The following NETO2 variants were observed in gnomAD, a reference collection of about 807,000 sequenced individuals.
NETO2 encodes the protein neuropilin and tolloid-like protein 2.
In NETO2, 28 loss-of-function variants were observed where a neutral mutation model predicts 62.5. That is an observed-to-expected ratio of 0.45 (90% CI 0.33 to 0.61). NETO2 has a LOEUF of 0.61. Ranked by LOEUF, NETO2 falls within the 20% of genes least tolerant of loss-of-function variation. NETO2 has a pLI of 0.02. For synonymous variants in NETO2, 214 were observed against 219.1 expected, an observed-to-expected ratio of 0.98 and a Z score of 0.21; for missense variants, 548 against 643.2, an observed-to-expected ratio of 0.85 and a Z score of 1.60.
At chr16:47,104,284 A>T (rs1382370542) in intron 7 of NETO2, among the ~76,000 whole-genome samples, 1 of 152,274 alleles carries the variant, frequency 6.6e-6, no homozygotes, top group Non-Finnish European at 1.5e-5. Context: ...CCAGTATAAT[A>T]GCATTAAAAA....
chr16:47,141,520 T>C (rs1024180231), intron 1 of NETO2, among the ~76,000 whole-genome samples: 2 of 152,012 alleles, frequency 1.3e-5, no homozygotes, highest in Non-Finnish European at 1.5e-5. Flanking sequence ...GAAACCAGTC[T>C]TCCCTTCATT....
At position 47,138,664 on chromosome 16, in the gene NETO2, C is replaced by T. The variant is rs552480198; in HGVS notation, c.34+4915G>A. ...TCTAGACAACTGGAAGTTTCTGCCA[C>T]AGTCCCTATAGTGTATTATGTACAC... On this transcript the variant is annotated intron_variant, in intron 1 of 8. Coordinates refer to ENST00000562435, the MANE Select transcript of NETO2 (RefSeq NM_018092.5). Among the ~76,000 whole-genome samples, 12 of 152,338 alleles carry T rather than the reference C, an allele frequency of 7.9e-5. No homozygotes were observed. The East Asian group carries it at 2.3e-3, about 29-fold the overall frequency.
intron 4 of NETO2, among the ~76,000 whole-genome samples, chr16:47,126,417 G>C (rs1164580186): frequency 6.6e-6 from 1 of 152,160 alleles, no homozygotes; most frequent in Non-Finnish European, 1.5e-5. Context: ...TGACATTCTG[G>C]AAATAGCAAG....
chr16:47,080,049 A>G lies in NETO2; in HGVS notation c.*3172T>C, dbSNP rs1005245158. 1 of 152,230 alleles carries G rather than the reference A, an allele frequency of 6.6e-6. No homozygotes were observed. The highest frequency in any genetic ancestry group is 2.4e-5 in the African/African-American group (1 of 41,458). The allele number at this position is 152,230 out of a possible 1,614,324, so 9.4% of individuals were successfully genotyped here. A position where few individuals can be genotyped will look rare whatever the true frequency, so the allele number is the denominator to read the frequency against. On this transcript the variant is annotated 3_prime_UTR_variant, in exon 9 of 9. Transcript: ENST00000562435. ...TATGAAACATGACAAAGACACTGAC[A>G]TAAGCGCTGTCGGGTTAAAGGAGTC... is the stretch of plus-strand genomic sequence containing the variant.
At chr16:47,098,197 G>C (rs549578117) in intron 7 of NETO2, among the ~76,000 whole-genome samples, 16 of 152,158 alleles carry the variant, frequency 1.1e-4, no homozygotes, top group Non-Finnish European at 2.2e-4. Context: ...GACAGAAGTA[G>C]GCTTCAGAAT....
chr16:47,141,144 C>T (rs1964454616), intron 1 of NETO2, among the ~76,000 whole-genome samples: 1 of 152,190 alleles, frequency 6.6e-6, no homozygotes, highest in Non-Finnish European at 1.5e-5. Flanking sequence ...TCAGTGGCAT[C>T]TTAAAGAACT....
At chr16:47,115,856 C>T (rs963071204) in intron 6 of NETO2, among the ~76,000 whole-genome samples, 1 of 150,912 alleles carries the variant, frequency 6.6e-6, no homozygotes, top group Non-Finnish European at 1.5e-5. Flanking sequence ...CAGGCGGGAG[C>T]CACAGTGCCT....
Position 47,129,269 on chromosome 16 carries a change from G to A in NETO2, c.187C>T (p.Pro63Ser). Residue 63 changes from proline (P) to serine (S), a missense_variant, in exon 3 of 9, where the codon CCT (proline) becomes TCT (serine). Physicochemically the swap from Pro to Ser is moderately conservative, Grantham distance 74. Coordinates refer to ENST00000562435, the MANE Select transcript of NETO2 (RefSeq NM_018092.5). The part of the protein sequence containing the change: ...NGGHFASPNY[P>S]DSYPPNKECI... ...TCCTTGTTTGGTGGATATGAGTCAGGATAATTTGGCGAAGCAAAATGACCT... is the reference window on the plus strand; with the variant it reads ...TCCTTGTTTGGTGGATATGAGTCAGAATAATTTGGCGAAGCAAAATGACCT... The A allele has an allele frequency of 6.2e-7, 1 of 1,614,010 alleles. No homozygotes were observed. The highest frequency in any genetic ancestry group is 8.5e-7 in the Non-Finnish European group (1 of 1,179,942).
At chr16:47,089,311 C>A (rs1396981783) in intron 7 of NETO2, among the ~76,000 whole-genome samples, 2 of 152,110 alleles carry the variant, frequency 1.3e-5, no homozygotes, top group Non-Finnish European at 2.9e-5. Flanking sequence ...CAGAAAAAAA[C>A]AATGGGCTAG....
At chr16:47,118,625 G>T (rs1963970909) in intron 6 of NETO2, among the ~76,000 whole-genome samples, 1 of 152,056 alleles carries the variant, frequency 6.6e-6, no homozygotes, top group South Asian at 2.1e-4. Context: ...ATTCTCTTAT[G>T]ATAGTCTAAA....
intron 7 of NETO2, among the ~76,000 whole-genome samples, chr16:47,100,520 T>C (rs960512752): frequency 3.8e-4 from 58 of 151,170 alleles, no homozygotes; most frequent in African/African-American, 1.3e-3. Flanking sequence ...AGGAGCTGGT[T>C]TTTTGAAAAG....
In NETO2 at chr16:47,086,354, A is replaced by C. The variant is rs1221929373; in HGVS notation, c.884-15T>G. 1.3e-6 allele frequency: 2 copies of C among 1,571,468 alleles called. No individual in the cohort carries two copies. Among genetic ancestry groups the C allele is most frequent in the Non-Finnish European group, 1.8e-6 (2 of 1,141,622 alleles). ...TGTGCAGGGAGCTGCAGGAAGAGAA[A>C]ACAGTGTTGCAAAGAGCAGGCAGAC... is the stretch of plus-strand genomic sequence containing the variant. On this transcript the variant is annotated splice_polypyrimidine_tract_variant and intron_variant, in intron 7 of 8. Coordinates refer to ENST00000562435, the MANE Select transcript of NETO2 (RefSeq NM_018092.5).
chr16:47,129,416 C>T (rs771999409), intron 2 of NETO2, 52 bp from the exon 3 acceptor site: 1 of 1,559,634 alleles, frequency 6.4e-7, no homozygotes, highest in African/African-American at 1.4e-5. Context: ...GAGAATCATT[C>T]TTCTCTTTCC....
At chr16:47,140,443 T>C (rs1964439385) in intron 1 of NETO2, among the ~76,000 whole-genome samples, 1 of 152,230 alleles carries the variant, frequency 6.6e-6, no homozygotes, top group Non-Finnish European at 1.5e-5. Flanking sequence ...ATGAACTTTA[T>C]TTCTAGTCTA....
chr16:47,129,298 T>C lies in NETO2; in HGVS notation c.158A>G (p.Asn53Ser), dbSNP rs369674880. The C allele has an allele frequency of 4.7e-5, 76 of 1,613,946 alleles. No homozygotes were observed. Among genetic ancestry groups the C allele is most frequent in the Admixed American group, 1.3e-4 (8 of 60,008 alleles). The change falls in exon 3 of 9, where the codon AAT becomes AGT. Residue 53 changes from asparagine to serine, a missense_variant. Coordinates refer to ENST00000562435, the MANE Select transcript of NETO2 (RefSeq NM_018092.5). The stretch of plus-strand genomic sequence containing the variant: ...ATTTGGCGAAGCAAAATGACCTCCA[T>C]TGCTGGTTCGAACCCAAATGCCACA... ...TQCGIWVRTSNGGHFASPNYP... is the reference protein window; with the variant it reads ...TQCGIWVRTSSGGHFASPNYP...
chr16:47,133,750 A>G (rs9936810), intron 1 of NETO2, among the ~76,000 whole-genome samples: 18,225 of 152,184 alleles, frequency 0.12, 2,380 homozygotes, highest in African/African-American at 0.33. Flanking sequence ...AGGCTACAGC[A>G]GTATAGTAGG....
chr16:47,089,697 T>C (rs556040536), intron 7 of NETO2, among the ~76,000 whole-genome samples: 4 of 152,246 alleles, frequency 2.6e-5, no homozygotes, highest in Admixed American at 2.6e-4. Context: ...CTGGGGAGTG[T>C]ATGGTGGTGT....
At chr16:47,094,445 A>G (rs768126331) in intron 7 of NETO2, among the ~76,000 whole-genome samples, 4 of 143,542 alleles carry the variant, frequency 2.8e-5, no homozygotes, top group Non-Finnish European at 3.0e-5. Context: ...ATTTATTTAG[A>G]GACGGAGTCT....
chr16:47,113,270 T>C (rs1013205796), intron 6 of NETO2, among the ~76,000 whole-genome samples: 2 of 152,224 alleles, frequency 1.3e-5, no homozygotes, highest in Non-Finnish European at 2.9e-5. Flanking sequence ...TTGAGTCTGC[T>C]TGCTCTACTC....
Sources: allele counts gnomAD v4.1 joint callset (sites outside exome capture counted in the v4.1 genomes callset), GRCh38; gene constraint gnomAD v4.1.1; transcripts MANE v1.5; gene names NCBI Gene and HGNC (gene_info 2026-07-23, HGNC 2026-07-21).